FAM13A: variants seen among roughly 807,000 people sequenced by gnomAD.
FAM13A encodes protein FAM13A.
Under a neutral mutation model 129.6 loss-of-function variants are expected in FAM13A, and 76 were observed. The ratio of observed to expected loss-of-function variants is 0.59; its 90% confidence interval spans 0.49 to 0.71. The LOEUF is 0.71. FAM13A is among the 30% of genes least tolerant of loss of function. FAM13A has a pLI of 0.00. For missense variants in FAM13A, 1,108 were observed against 1,249.3 expected (o/e 0.89, Z 1.70); for synonymous variants, 443 against 449.9 (o/e 0.98, Z 0.20).
At chr4:88,992,084 C>A (rs919352669) in intron 3 of FAM13A, among the ~76,000 whole-genome samples, 1 of 152,180 alleles carries the variant, frequency 6.6e-6, no homozygotes, top group Non-Finnish European at 1.5e-5. Context: ...CTGACTGCTG[C>A]CTATCCCAAC....
intron 6 of FAM13A, among the ~76,000 whole-genome samples, chr4:88,852,407 C>A (rs1409501071): frequency 2.0e-5 from 3 of 152,244 alleles, no homozygotes; most frequent in Non-Finnish European, 1.5e-5. Context: ...AGTTATCTGC[C>A]CACCTCGGCC....
intron 7 of FAM13A, among the ~76,000 whole-genome samples, chr4:88,844,069 C>T (rs1053196620): frequency 6.6e-6 from 1 of 152,242 alleles, no homozygotes; most frequent in East Asian, 1.9e-4. Context: ...TCTCATCTGA[C>T]GGTGGAATTC....
At chr4:88,898,299 A>G (rs1279819083) in intron 6 of FAM13A, among the ~76,000 whole-genome samples, 2 of 152,170 alleles carry the variant, frequency 1.3e-5, no homozygotes, top group Non-Finnish European at 2.9e-5. Context: ...GCATTTGTTT[A>G]GTGAGTATAT....
intron 21 of FAM13A, among the ~76,000 whole-genome samples, chr4:88,733,547 T>G (rs988141141): frequency 6.6e-6 from 1 of 152,214 alleles, no homozygotes. Flanking sequence ...GTCAGGTACC[T>G]CATAAGGCAC....
chr4:88,781,093 T>C, intron 11 of FAM13A, 72 bp downstream of exon 11: 1 of 1,121,460 alleles, frequency 8.9e-7, no homozygotes, highest in Non-Finnish European at 1.2e-6. Flanking sequence ...TTACTTTTAA[T>C]TTTTTTACAA....
intron 6 of FAM13A, among the ~76,000 whole-genome samples, chr4:88,875,110 C>A (rs1742158513): frequency 6.6e-6 from 1 of 152,144 alleles, no homozygotes; most frequent in Non-Finnish European, 1.5e-5. Flanking sequence ...GAAACTGGAT[C>A]CCTTCCTTAC....
chr4:88,817,962 A>C (rs1011034846), intron 7 of FAM13A, among the ~76,000 whole-genome samples: 1 of 152,152 alleles, frequency 6.6e-6, no homozygotes, highest in African/African-American at 2.4e-5. Flanking sequence ...CAAACAAAAC[A>C]AAACCCACAA....
chr4:88,801,811 C>T (rs1013845163), intron 8 of FAM13A, among the ~76,000 whole-genome samples: 1 of 151,920 alleles, frequency 6.6e-6, no homozygotes, highest in Non-Finnish European at 1.5e-5. Context: ...GCTCATAGGA[C>T]CATGAAAGTG....
Position 88,877,313 on chromosome 4 carries a change from T to C in FAM13A, c.844-26130A>G, listed in dbSNP as rs1369470485. Among the ~76,000 whole-genome samples, 8 of 152,338 alleles carry C rather than the reference T, an allele frequency of 5.3e-5. No individual in the cohort carries two copies. In the East Asian group the frequency reaches 1.5e-3, roughly 29 times the overall value. On this transcript the variant is annotated intron_variant, in intron 6 of 23. Transcript: ENST00000264344. ...AACTACTGAATCTGGCAATCTAACCTGAGGAAATAATTCTAAGAAATGAAT... is the reference window on the plus strand; with the variant it reads ...AACTACTGAATCTGGCAATCTAACCCGAGGAAATAATTCTAAGAAATGAAT...
At chr4:88,772,904 A>G (rs1477220116) in intron 11 of FAM13A, among the ~76,000 whole-genome samples, 1 of 152,220 alleles carries the variant, frequency 6.6e-6, no homozygotes, top group African/African-American at 2.4e-5. Flanking sequence ...TACACAAAAG[A>G]AAGGAATCCT....
At chr4:88,887,475 AG>A (rs1319453510) in intron 6 of FAM13A, among the ~76,000 whole-genome samples, 2 of 152,028 alleles carry the variant, frequency 1.3e-5, no homozygotes, top group Non-Finnish European at 2.9e-5. Context: ...CATCTGACCC[AG>A]GAAAAAATAA....
chr4:88,759,100 C>A (rs1324490628), intron 13 of FAM13A, 199 bp from the exon 14 acceptor site: 4 of 517,446 alleles, frequency 7.7e-6, no homozygotes, highest in Non-Finnish European at 1.4e-5. Flanking sequence ...TCCATCTGTG[C>A]TCCTTTAACT....
chr4:88,953,221 G>A (rs2609274), intron 4 of FAM13A, among the ~76,000 whole-genome samples: 42,562 of 151,818 alleles, frequency 0.28, 7,027 homozygotes, highest in Middle Eastern at 0.41. Context: ...TTGGGAAACC[G>A]AGGCGGGCAG....
chr4:88,778,711 C>T (rs1388442586), intron 11 of FAM13A, among the ~76,000 whole-genome samples: 1 of 152,218 alleles, frequency 6.6e-6, no homozygotes, highest in Non-Finnish European at 1.5e-5. Flanking sequence ...CACTGTTCTA[C>T]TGAGAACTCA....
chr4:88,941,922 C>T (rs1212168839), intron 4 of FAM13A, among the ~76,000 whole-genome samples: 4 of 152,140 alleles, frequency 2.6e-5, no homozygotes, highest in African/African-American at 9.7e-5. Context: ...GTGGTTATTA[C>T]TGCAGGGGGG....
intron 7 of FAM13A, among the ~76,000 whole-genome samples, chr4:88,846,000 A>C (rs1736582994): frequency 6.6e-6 from 1 of 152,186 alleles, no homozygotes; most frequent in Admixed American, 6.5e-5. Context: ...TATATTCTTC[A>C]TATTATTTTA....
rs778749573 is a variant in FAM13A, at chr4:88,732,212, G to C, written c.2647-14C>G. The C allele has an allele frequency of 1.9e-6, 3 of 1,569,298 alleles. No individual in the cohort carries two copies. The South Asian group carries it at 3.5e-5, about 19-fold the overall frequency. On this transcript the variant is annotated splice_polypyrimidine_tract_variant and intron_variant, in intron 21 of 23. Transcript: ENST00000264344. ...CTCCTCTTCTTCCTGGAGATACACAGCAACCCCAATAAAAATCTGGTCACT... is the reference window on the plus strand; with the variant it reads ...CTCCTCTTCTTCCTGGAGATACACACCAACCCCAATAAAAATCTGGTCACT...
intron 16 of FAM13A, 60 bp from the exon 17 acceptor site, chr4:88,749,093 T>G (rs1742001228): frequency 8.1e-7 from 1 of 1,235,602 alleles, no homozygotes; most frequent in Non-Finnish European, 1.2e-6. Flanking sequence ...GTAAGAAGTG[T>G]TTGATGATCA....
chr4:89,054,332 A>C (rs915081411), intron 1 of FAM13A, among the ~76,000 whole-genome samples: 1 of 151,886 alleles, frequency 6.6e-6, no homozygotes, highest in South Asian at 2.1e-4. Context: ...CGTACTACAG[A>C]TATCTAGTAC....
Sources: allele counts gnomAD v4.1 joint callset (sites outside exome capture counted in the v4.1 genomes callset), GRCh38; gene constraint gnomAD v4.1.1; transcripts MANE v1.5; gene names NCBI Gene and HGNC (gene_info 2026-07-23, HGNC 2026-07-21).